Variants in RGS7BP observed in about 807,000 individuals in gnomAD.
RGS7BP encodes regulator of G protein signaling 7-binding protein.
A neutral mutation model predicts 31.3 loss-of-function variants in RGS7BP; 9 were observed. That is an observed-to-expected ratio of 0.29 (90% confidence interval 0.17 to 0.50). The LOEUF (loss-of-function observed/expected upper bound fraction) is 0.50, where lower values mean the gene tolerates loss of function less well. RGS7BP is among the 20% of genes least tolerant of loss of function. RGS7BP has a pLI of 0.98. For missense variants in RGS7BP, 274 were observed against 322.0 expected (o/e 0.85, Z 1.14); for synonymous variants, 115 against 120.1 (o/e 0.96, Z 0.28).
At chr5:64,568,997 G>T (rs891645425) in intron 2 of RGS7BP, among the ~76,000 whole-genome samples, 2 of 152,098 alleles carry the variant, frequency 1.3e-5, no homozygotes, top group African/African-American at 4.8e-5. Flanking sequence ...AACTGTAAAA[G>T]GTGCTGGCCC....
In RGS7BP at chr5:64,610,887, C is replaced by G. The variant is rs1292848175; in HGVS notation, c.*1635C>G. ...AAAGAATTAAAGGGTTGGAAGAGAA[C>G]GTTATACAGGTCTCTATTTAGATCA... On this transcript the variant is annotated 3_prime_UTR_variant, in exon 6 of 6. Transcript: ENST00000334025. 2.6e-5 allele frequency: 4 copies of G among 151,776 alleles called. No homozygotes were observed. Among genetic ancestry groups the G allele is most frequent in the Admixed American group, 2.6e-4 (4 of 15,202 alleles). The allele number at this position is 151,776 out of a possible 1,614,324, so 9.4% of individuals were successfully genotyped here.
chr5:64,536,437 G>A (rs6894580), intron 2 of RGS7BP, among the ~76,000 whole-genome samples: 47,605 of 151,942 alleles, frequency 0.31, 8,221 homozygotes, highest in East Asian at 0.65. Context: ...ATTGTCGCAC[G>A]CGTTCACAAT....
chr5:64,546,679 AT>A (rs11399270), intron 2 of RGS7BP, among the ~76,000 whole-genome samples: 2 of 151,356 alleles, frequency 1.3e-5, no homozygotes, highest in Non-Finnish European at 2.9e-5. Flanking sequence ...CAGATTAAGA[AT>A]TTTTTTTTAA....
At chr5:64,512,585 C>T (rs570085751) in intron 2 of RGS7BP, among the ~76,000 whole-genome samples, 15 of 152,094 alleles carry the variant, frequency 9.9e-5, no homozygotes, top group African/African-American at 3.4e-4. Flanking sequence ...CTTAGGAGAC[C>T]GCAAGCATAT....
At chr5:64,549,293 C>T (rs1741734249) in intron 2 of RGS7BP, among the ~76,000 whole-genome samples, 1 of 152,232 alleles carries the variant, frequency 6.6e-6, no homozygotes, top group African/African-American at 2.4e-5. Context: ...GAAGGGGTGA[C>T]AGGTCCCAAT....
At position 64,506,809 on chromosome 5, in the gene RGS7BP, C is replaced by CTT. The variant is rs36025131; in HGVS notation, c.165+34_165+35dup. 0.017 allele frequency: 22,560 copies of CTT among 1,315,694 alleles called. 2 individuals carry two copies. The highest frequency in any genetic ancestry group is 0.021 in the South Asian group (1,298 of 61,396). The allele number at this position is 1,315,694 out of a possible 1,614,324, so 81.5% of individuals were successfully genotyped here. On this transcript the variant is annotated intron_variant, in intron 1 of 5. Transcript: ENST00000334025. This position sits in a 1 kb window ranked among gnomAD's most constrained non-coding sequence, Gnocchi z 4.6. ...AAGATGGTGGGTGAAAACTGCGCCT[C>CTT]TTTTTTTTTTTTTTTAATTGAGAGG...
chr5:64,546,320 G>C lies in RGS7BP; in HGVS notation c.333-29454G>C, dbSNP rs185941518. Among the ~76,000 whole-genome samples the C allele has an allele frequency of 1.5e-3, 216 of 143,622 alleles. 1 individual carries two copies. The highest frequency in any genetic ancestry group is 4.8e-3 in the African/African-American group (198 of 41,316). The allele number at this position is 143,622 out of a possible 152,430, so 94.2% of individuals were successfully genotyped here. On this transcript the variant is annotated intron_variant, in intron 2 of 5. Coordinates refer to ENST00000334025, the MANE Select transcript of RGS7BP (RefSeq NM_001029875.3). ...AACCCTGAAGATCACCAAGATTAAT[G>C]AACAGACAGAGATAAGACCCTGGAG...
chr5:64,556,918 C>G (rs1230856107), intron 2 of RGS7BP, among the ~76,000 whole-genome samples: 1 of 151,916 alleles, frequency 6.6e-6, no homozygotes, highest in East Asian at 1.9e-4. Context: ...AATTAGACAA[C>G]ATGTTTAAAT....
chr5:64,521,036 A>T (rs1749095588), intron 2 of RGS7BP, among the ~76,000 whole-genome samples: 2 of 152,202 alleles, frequency 1.3e-5, no homozygotes, highest in Non-Finnish European at 2.9e-5. Flanking sequence ...TGGTGTTTAA[A>T]ATCATCACGG....
intron 2 of RGS7BP, among the ~76,000 whole-genome samples, chr5:64,529,548 C>T (rs137977941): frequency 1.6e-4 from 24 of 152,174 alleles, no homozygotes; most frequent in Non-Finnish European, 3.4e-4. Context: ...CCATTGGAAT[C>T]GCCTGGGGAG....
chr5:64,517,760 G>T (rs1027376532), intron 2 of RGS7BP, among the ~76,000 whole-genome samples: 3 of 152,194 alleles, frequency 2.0e-5, no homozygotes, highest in Non-Finnish European at 4.4e-5. Flanking sequence ...CACTGGGAAG[G>T]CAGGAAGTTA....
intron 2 of RGS7BP, among the ~76,000 whole-genome samples, chr5:64,531,259 C>T (rs1437139772): frequency 3.3e-5 from 5 of 152,200 alleles, no homozygotes; most frequent in Non-Finnish European, 5.9e-5. Flanking sequence ...CAAAACTATA[C>T]GTCCTTCTAT....
At chr5:64,588,832 G>A (rs993580377) in intron 3 of RGS7BP, among the ~76,000 whole-genome samples, 1 of 152,022 alleles carries the variant, frequency 6.6e-6, no homozygotes, top group African/African-American at 2.4e-5. Context: ...GTGAAAGACT[G>A]AGCCAGAGAC....
chr5:64,543,527 C>G (rs1741577998), intron 2 of RGS7BP, among the ~76,000 whole-genome samples: 1 of 144,688 alleles, frequency 6.9e-6, no homozygotes, highest in African/African-American at 2.7e-5. Flanking sequence ...CTCCCTCTAC[C>G]TGGAGAAAAA....
rs1003378440 is a variant in RGS7BP at position 64,612,013 on chromosome 5, C to G, written c.*2761C>G. ...GTCGCATGTACCCACAGGCTTGAAACAGAAAATGATGTAAACTTTTGTGGC... is the reference window on the plus strand; with the variant it reads ...GTCGCATGTACCCACAGGCTTGAAAGAGAAAATGATGTAAACTTTTGTGGC... On this transcript the variant is annotated 3_prime_UTR_variant, in exon 6 of 6. Coordinates refer to ENST00000334025, the MANE Select transcript of RGS7BP (RefSeq NM_001029875.3). 6 of 152,210 alleles carry G rather than the reference C, an allele frequency of 3.9e-5. No individual in the cohort carries two copies. The allele number at this position is 152,210 out of a possible 1,614,324, so 9.4% of individuals were successfully genotyped here.
chr5:64,516,455 G>A (rs915780994), intron 2 of RGS7BP, among the ~76,000 whole-genome samples: 1 of 151,972 alleles, frequency 6.6e-6, no homozygotes, highest in Non-Finnish European at 1.5e-5. Context: ...CGTCCTAATC[G>A]GTCTCCTTGA....
chr5:64,539,360 T>A (rs1741464044), intron 2 of RGS7BP: 1 of 152,220 alleles, frequency 6.6e-6, no homozygotes, highest in African/African-American at 2.4e-5. Context: ...ACAGAGCAAA[T>A]TTTTAAAAAT....
At chr5:64,532,889 C>T (rs1215914030) in intron 2 of RGS7BP, among the ~76,000 whole-genome samples, 1 of 152,296 alleles carries the variant, frequency 6.6e-6, no homozygotes, top group East Asian at 1.9e-4. Context: ...AGCATAATCA[C>T]ACTACCCCTT....
At chr5:64,556,711 T>G (rs758383815) in intron 2 of RGS7BP, among the ~76,000 whole-genome samples, 3 of 152,124 alleles carry the variant, frequency 2.0e-5, no homozygotes, top group Non-Finnish European at 4.4e-5. Flanking sequence ...TTTTAAGTCT[T>G]TCTCCTGGCT....
Sources: allele counts gnomAD v4.1 joint callset (sites outside exome capture counted in the v4.1 genomes callset), GRCh38; gene constraint gnomAD v4.1.1; non-coding constraint Gnocchi (gnomAD v3.1); transcripts MANE v1.5; gene names NCBI Gene and HGNC (gene_info 2026-07-23, HGNC 2026-07-21).